CTDSP2: variants seen among roughly 807,000 people sequenced by gnomAD.
CTDSP2 encodes the protein carboxy-terminal domain RNA polymerase II polypeptide A small phosphatase 2.
CTDSP2 carries 9 observed loss-of-function variants against 31.6 expected under a neutral mutation model. The ratio of observed to expected loss-of-function variants is 0.28; its 90% CI spans 0.17 to 0.50. The LOEUF (loss-of-function observed/expected upper bound fraction) is 0.50, where lower values mean the gene tolerates loss of function less well. CTDSP2 is among the 20% of genes least tolerant of loss of function. CTDSP2 has a pLI of 0.98. For missense variants in CTDSP2, 267 were observed against 348.5 expected (o/e 0.77, Z 1.86); for synonymous variants, 134 against 134.5 (o/e 1.00, Z 0.03).
intron 5 of CTDSP2, among the ~76,000 whole-genome samples, chr12:57,825,647 G>A (rs1956178297): frequency 6.6e-6 from 1 of 152,242 alleles, no homozygotes; most frequent in South Asian, 2.1e-4. Flanking sequence ...TCTTTCACTA[G>A]CAGTGTCACA....
chr12:57,843,789 TGAAGAC>T (rs1956296598), intron 1 of CTDSP2, among the ~76,000 whole-genome samples: 1 of 152,224 alleles, frequency 6.6e-6, no homozygotes, highest in African/African-American at 2.4e-5. Flanking sequence ...TGTTTTGTTT[TGAAGAC>T]GTAGGTTTTG....
chr12:57,833,442 T>C (rs1956228767), intron 1 of CTDSP2, among the ~76,000 whole-genome samples: 1 of 152,228 alleles, frequency 6.6e-6, no homozygotes, highest in South Asian at 2.1e-4. Flanking sequence ...CAGGCATCCC[T>C]CATTCCCCAC....
intron 1 of CTDSP2, among the ~76,000 whole-genome samples, chr12:57,838,475 C>T (rs904981028): frequency 6.6e-6 from 1 of 152,246 alleles, no homozygotes; most frequent in African/African-American, 2.4e-5. Flanking sequence ...AGGGGCTACA[C>T]ACAGACAACC....
Position 57,823,272 on chromosome 12 carries a change from ACTTGGG to A in CTDSP2, c.*324_*329del. 2.8e-6 allele frequency: 1 copy of A among 354,318 alleles called. No homozygotes were observed. The highest frequency in any genetic ancestry group is 5.4e-6 in the Non-Finnish European group (1 of 184,704). 21.9% of individuals were successfully genotyped at this position (354,318 alleles called of 1,614,324 possible). ...GGGTGACAGGAGAGGAGACAAGCTAACTTGGGAAGAGTCTTGGTCTTTCAGCTTCTC... is the reference window on the plus strand; with the variant it reads ...GGGTGACAGGAGAGGAGACAAGCTAAAAGAGTCTTGGTCTTTCAGCTTCTC... On this transcript the variant is annotated 3_prime_UTR_variant, in exon 8 of 8. Transcript: ENST00000398073.
intron 4 of CTDSP2, 40 bp downstream of exon 4, chr12:57,826,956 C>G: frequency 6.9e-7 from 1 of 1,459,414 alleles, no homozygotes. Flanking sequence ...CACAAGAAGG[C>G]CCAAGATAAA....
At chr12:57,826,855 G>C in intron 4 of CTDSP2, 141 bp downstream of exon 4, 1 of 641,746 alleles carries the variant, frequency 1.6e-6, no homozygotes, top group Non-Finnish European at 2.7e-6. Flanking sequence ...TGTGACACAG[G>C]GTGGCCAAAA....
At chr12:57,843,927 G>C (rs1477831760) in intron 1 of CTDSP2, among the ~76,000 whole-genome samples, 47 of 150,970 alleles carry the variant, frequency 3.1e-4, no homozygotes, top group African/African-American at 2.5e-5. Context: ...GCCGGGCGCG[G>C]TGGCTCACGC....
chr12:57,823,360 C>T lies in CTDSP2; in HGVS notation c.*242G>A, dbSNP rs930914877. 1.1e-4 allele frequency: 61 copies of T among 546,712 alleles called. No individual in the cohort carries two copies. Among genetic ancestry groups the T allele is most frequent in the Admixed American group, 3.4e-4 (11 of 32,116 alleles). 33.9% of individuals were successfully genotyped at this position (546,712 alleles called of 1,614,324 possible). On this transcript the variant is annotated 3_prime_UTR_variant, in exon 8 of 8. Coordinates refer to ENST00000398073, the MANE Select transcript of CTDSP2 (RefSeq NM_005730.4). The stretch of plus-strand genomic sequence containing the variant: ...GTTCATGGCAAAACACACACACAAA[C>T]ACACACTCTCTCACAGTCAAACACA...
In CTDSP2 at chr12:57,824,333, G is replaced by A; in HGVS notation, c.412-14C>T. 1.9e-6 allele frequency: 3 copies of A among 1,603,398 alleles called. No homozygotes were observed. Among genetic ancestry groups the A allele is most frequent in the Non-Finnish European group, 2.6e-6 (3 of 1,170,356 alleles). Reference sequence around the variant, plus strand: ...GAGCACATACACCTGAGGAAGAGCAGAGCAGCCTGTTGGAGGCATCCCTGT... The same window carrying A: ...GAGCACATACACCTGAGGAAGAGCAAAGCAGCCTGTTGGAGGCATCCCTGT... On this transcript the variant is annotated splice_polypyrimidine_tract_variant and intron_variant, in intron 5 of 7. Coordinates refer to ENST00000398073, the MANE Select transcript of CTDSP2 (RefSeq NM_005730.4).
chr12:57,823,715 A>G lies in CTDSP2; in HGVS notation c.703T>C (p.Ser235Pro), dbSNP rs745830190. 6.2e-7 allele frequency: 1 copy of G among 1,613,886 alleles called. No individual in the cohort carries two copies. The highest frequency in any genetic ancestry group is 1.1e-5 in the South Asian group (1 of 91,076). ...FHPENAVPVQ[S>P]WFDDMADTEL... Reference sequence around the variant, plus strand: ...GTGTCTGCCATGTCATCAAACCAGGACTGCACAGGCACCTGGTGGGGGGAA... The same window carrying G: ...GTGTCTGCCATGTCATCAAACCAGGGCTGCACAGGCACCTGGTGGGGGGAA... Residue 235 changes from serine (S) to proline (P), a missense_variant, in exon 8 of 8, where the codon TCC becomes CCC. Ser to Pro is a moderately conservative substitution (Grantham distance 74). This residue lies in a region of CTDSP2 where 156 missense variants were observed against 241.3 expected (regional missense o/e 0.65). Coordinates refer to ENST00000398073, the MANE Select transcript of CTDSP2 (RefSeq NM_005730.4).
Position 57,820,207 on chromosome 12 carries a change from C to T in CTDSP2, c.*3395G>A, listed in dbSNP as rs1374826756. ...GCTCACGAGGCCCAAAGAGGAGGGT[C>T]CGCTCCATGGGCAGGCCCTACAACG... On this transcript the variant is annotated 3_prime_UTR_variant, in exon 8 of 8. Coordinates refer to ENST00000398073, the MANE Select transcript of CTDSP2 (RefSeq NM_005730.4). The T allele has an allele frequency of 6.6e-6, 1 of 152,450 alleles. No individual in the cohort carries two copies. Among genetic ancestry groups the T allele is most frequent in the African/African-American group, 2.4e-5 (1 of 41,456 alleles). 9.4% of individuals were successfully genotyped at this position (152,450 alleles called of 1,614,324 possible). A position where few individuals can be genotyped will look rare whatever the true frequency, so the allele number is the denominator to read the frequency against.
intron 1 of CTDSP2, among the ~76,000 whole-genome samples, chr12:57,844,275 T>C (rs1010303911): frequency 1.3e-5 from 2 of 152,148 alleles, no homozygotes; most frequent in Non-Finnish European, 2.9e-5. Flanking sequence ...AGGAGAAACA[T>C]TAACTCCAAG....
At chr12:57,823,815 T>C (rs1956164596) in intron 7 of CTDSP2, 88 bp from the exon 8 acceptor site, 2 of 1,608,740 alleles carry the variant, frequency 1.2e-6, no homozygotes, top group African/African-American at 2.7e-5. Context: ...TGGGTCTTCC[T>C]GGAGGGGTGT....
chr12:57,833,595 C>T (rs1956229672), intron 1 of CTDSP2, among the ~76,000 whole-genome samples: 1 of 152,238 alleles, frequency 6.6e-6, no homozygotes, highest in South Asian at 2.1e-4. Flanking sequence ...TACAATGGCC[C>T]CAACCCAGTG....
chr12:57,822,212 A>G lies in CTDSP2; in HGVS notation c.*1390T>C, dbSNP rs1956151011. On this transcript the variant is annotated 3_prime_UTR_variant, in exon 8 of 8. Coordinates refer to ENST00000398073, the MANE Select transcript of CTDSP2 (RefSeq NM_005730.4). The stretch of plus-strand genomic sequence containing the variant: ...TTTTGGGAGGCCCCTTGTGCTCCCA[A>G]TTACAGCAGCACTTCCTCTTATTTT... 1 of 152,534 alleles carries G rather than the reference A, an allele frequency of 6.6e-6. No individual in the cohort carries two copies. The highest frequency in any genetic ancestry group is 2.1e-4 in the South Asian group (1 of 4,830). 9.4% of individuals were successfully genotyped at this position (152,534 alleles called of 1,614,324 possible).
intron 1 of CTDSP2, among the ~76,000 whole-genome samples, chr12:57,838,917 C>T (rs983226564): frequency 6.6e-6 from 1 of 152,240 alleles, no homozygotes; most frequent in Non-Finnish European, 1.5e-5. Context: ...TTACCTCAGT[C>T]TCCATCTCAA....
intron 1 of CTDSP2, among the ~76,000 whole-genome samples, chr12:57,845,742 G>A (rs765937135): frequency 2.6e-5 from 4 of 152,070 alleles, no homozygotes; most frequent in African/African-American, 4.8e-5. Flanking sequence ...GAGGGAGCCC[G>A]ACGCCGCCAA....
At chr12:57,825,384 C>T (rs1956176442) in intron 5 of CTDSP2, among the ~76,000 whole-genome samples, 1 of 152,260 alleles carries the variant, frequency 6.6e-6, no homozygotes, top group Non-Finnish European at 1.5e-5. Context: ...GGCATCCTTT[C>T]ACCCACCTTG....
chr12:57,824,130 G>T (rs1329532496), intron 6 of CTDSP2, 41 bp from the exon 7 acceptor site: 1 of 1,611,876 alleles, frequency 6.2e-7, no homozygotes, highest in Admixed American at 1.7e-5. Context: ...TACACTCCTG[G>T]TCCTCCTGTA....
Sources: gnomAD v4.1 joint callset for allele counts (sites outside exome capture counted in the v4.1 genomes callset) on GRCh38, gnomAD v4.1.1 for gene constraint, gnomAD v4.1.1 regional missense constraint, MANE v1.5 for transcripts, NCBI Gene and HGNC (gene_info 2026-07-23, HGNC 2026-07-21) for gene names.